The following PDE4D variants were observed in gnomAD, a reference collection of about 807,000 sequenced individuals.
PDE4D encodes phosphodiesterase 4D.
PDE4D carries 24 observed loss-of-function variants against 87.4 expected under a neutral mutation model. That is an observed-to-expected ratio of 0.27 (90% CI 0.20 to 0.39). The LOEUF is 0.39. Among genes scored for constraint, PDE4D ranks in the 10% least tolerant of loss-of-function variants. The pLI is 1.00. For missense variants in PDE4D, 714 were observed against 1,041.0 expected, an observed-to-expected ratio of 0.69 and a Z score of 4.32; for synonymous variants, 384 against 383.2, an observed-to-expected ratio of 1.00 and a Z score of -0.02.
chr5:60,435,894 GAACA>G (rs1403849822), intron 1 of PDE4D, among the ~76,000 whole-genome samples: 2 of 151,944 alleles, frequency 1.3e-5, no homozygotes, highest in Non-Finnish European at 2.9e-5. Context: ...TTATTAAACA[GAACA>G]AAAAAGACAG....
intron 5 of PDE4D, among the ~76,000 whole-genome samples, chr5:59,082,160 A>G (rs1580703295): frequency 6.6e-6 from 1 of 152,284 alleles, no homozygotes; most frequent in East Asian, 1.9e-4. Context: ...ATGGCCTAAT[A>G]CAGTAGTATA....
intron 1 of PDE4D, among the ~76,000 whole-genome samples, chr5:59,822,330 T>G (rs1654320776): frequency 6.6e-6 from 1 of 152,204 alleles, no homozygotes. Context: ...GTAGAACTAT[T>G]GTAATTTTTA....
chr5:59,896,540 G>A (rs915137371), upstream of PDE4D, among the ~76,000 whole-genome samples: 6 of 152,146 alleles, frequency 3.9e-5, no homozygotes, highest in African/African-American at 1.4e-4. Context: ...TCAGTGTAAA[G>A]TTTGATCATC....
chr5:59,356,676 C>A (rs1781424714), intron 1 of PDE4D: 1 of 1,115,958 alleles, frequency 9.0e-7, no homozygotes, highest in Non-Finnish European at 1.2e-6. Context: ...GTTAGAAGGT[C>A]AACATAGGGC....
chr5:59,906,532 A>G (rs765124206), intron 3 of PDE4D, among the ~76,000 whole-genome samples: 1 of 152,212 alleles, frequency 6.6e-6, no homozygotes, highest in Non-Finnish European at 1.5e-5. Context: ...GTAAATGTCA[A>G]TGATTGCTCT....
intron 5 of PDE4D, among the ~76,000 whole-genome samples, chr5:59,171,417 A>G (rs918016485): frequency 3.9e-5 from 6 of 152,092 alleles, no homozygotes; most frequent in Admixed American, 2.6e-4. Flanking sequence ...ACTGCTTCCA[A>G]TTACTGTCAT....
intron 1 of PDE4D, among the ~76,000 whole-genome samples, chr5:59,850,716 A>T (rs7705119): frequency 0.1 from 15,578 of 151,878 alleles, 2,525 homozygotes; most frequent in African/African-American, 0.34. Flanking sequence ...CCGTGGGAGG[A>T]GTCATGGCTT....
At chr5:60,013,434 T>C (rs1765204944) in intron 2 of PDE4D, among the ~76,000 whole-genome samples, 2 of 152,154 alleles carry the variant, frequency 1.3e-5, no homozygotes, top group Non-Finnish European at 2.9e-5. Context: ...TAAAACATAG[T>C]AGCCATTGTT....
intron 1 of PDE4D, among the ~76,000 whole-genome samples, chr5:59,879,987 CT>C (rs1234668738): frequency 6.6e-6 from 1 of 152,204 alleles, no homozygotes; most frequent in African/African-American, 2.4e-5. Context: ...GATCCACCAG[CT>C]TTGGCCTCCC....
At chr5:59,660,154 A>G (rs559480579) in intron 1 of PDE4D, among the ~76,000 whole-genome samples, 1 of 152,184 alleles carries the variant, frequency 6.6e-6, no homozygotes, top group Non-Finnish European at 1.5e-5. Flanking sequence ...ATAGCACTGC[A>G]CTCCAGCCTG....
chr5:59,547,506 C>A (rs141663269), intron 1 of PDE4D, among the ~76,000 whole-genome samples: 1 of 151,448 alleles, frequency 6.6e-6, no homozygotes, highest in South Asian at 2.1e-4. Flanking sequence ...CTCAAGTAAA[C>A]GTTCACTTTT....
At chr5:59,207,820 T>C (rs1424860960) in intron 2 of PDE4D, among the ~76,000 whole-genome samples, 4 of 152,042 alleles carry the variant, frequency 2.6e-5, no homozygotes, top group African/African-American at 9.7e-5. Flanking sequence ...CTTTCTCTTT[T>C]ATACAGGAGT....
At chr5:59,048,098 CTAAGA>C (rs1411345650) in intron 5 of PDE4D, among the ~76,000 whole-genome samples, 2 of 152,190 alleles carry the variant, frequency 1.3e-5, no homozygotes, top group Admixed American at 1.3e-4. Flanking sequence ...CAGGTTTGCG[CTAAGA>C]TAATTTTCAT....
intron 1 of PDE4D, among the ~76,000 whole-genome samples, chr5:60,408,687 G>C (rs1403448220): frequency 6.6e-6 from 1 of 152,126 alleles, no homozygotes; most frequent in African/African-American, 2.4e-5. Context: ...AAAGAAATAC[G>C]AGCATGATGT....
intron 1 of PDE4D, among the ~76,000 whole-genome samples, chr5:59,242,630 T>C (rs184649528): frequency 7.9e-5 from 12 of 152,324 alleles, no homozygotes; most frequent in Non-Finnish European, 1.3e-4. Flanking sequence ...ATGATATCAA[T>C]ATGAATACCA....
At chr5:59,994,468 T>A (rs1231070259) in intron 2 of PDE4D, among the ~76,000 whole-genome samples, 4 of 152,100 alleles carry the variant, frequency 2.6e-5, no homozygotes, top group African/African-American at 9.7e-5. Context: ...ATCTCCAGAC[T>A]CCCTTACAGG....
At chr5:60,209,187 C>CTTTTTTTTTTT (rs58524375) in intron 1 of PDE4D, among the ~76,000 whole-genome samples, 4 of 108,498 alleles carry the variant, frequency 3.7e-5, no homozygotes, top group Non-Finnish European at 5.5e-5. Context: ...TTCTTTTTTT[C>CTTTTTTTTTTT]TTTTTTTTTT....
chr5:59,516,872 T>C (rs1371308448), intron 1 of PDE4D, among the ~76,000 whole-genome samples: 1 of 152,130 alleles, frequency 6.6e-6, no homozygotes, highest in Non-Finnish European at 1.5e-5. Flanking sequence ...ATAAACTACA[T>C]GTGATCACAT....
At chr5:59,262,760 CAT>C (rs1337040982) in intron 1 of PDE4D, among the ~76,000 whole-genome samples, 1 of 151,836 alleles carries the variant, frequency 6.6e-6, no homozygotes, top group Non-Finnish European at 1.5e-5. Context: ...TTCTTGGCTT[CAT>C]ATAAAAATCA....
Sources: allele counts gnomAD v4.1 joint callset (sites outside exome capture counted in the v4.1 genomes callset), GRCh38; gene constraint gnomAD v4.1.1; transcripts MANE v1.5; gene names NCBI Gene and HGNC (gene_info 2026-07-23, HGNC 2026-07-21).